The following SNX29 variants were observed in gnomAD, a reference collection of about 807,000 sequenced individuals.
The protein encoded by SNX29 is sorting nexin-29.
Under a neutral mutation model 102.1 loss-of-function variants are expected in SNX29, and 78 were observed. The observed-to-expected ratio is 0.76, with a 90% CI of 0.64 to 0.92. SNX29 has a LOEUF of 0.92. Ranked by LOEUF, SNX29 falls within the 40% of genes least tolerant of loss-of-function variation. SNX29 has a pLI of 0.00. For synonymous variants in SNX29, 580 were observed against 414.5 expected (o/e 1.40, Z -4.85); for missense variants, 1,280 against 1,061.7 (o/e 1.21, Z -2.86).
chr16:12,560,871 T>A (rs1460899067), intron 20 of SNX29: 2 of 186,388 alleles, frequency 1.1e-5, no homozygotes, highest in Non-Finnish European at 2.3e-5. Flanking sequence ...GTTAGTCCTT[T>A]AGTTCAAGAT....
chr16:12,514,410 C>G (rs989478086), intron 19 of SNX29, among the ~76,000 whole-genome samples: 1 of 152,164 alleles, frequency 6.6e-6, no homozygotes, highest in African/African-American at 2.4e-5. Flanking sequence ...CCTGGAGCTG[C>G]CTTTCTCTCC....
intron 20 of SNX29, chr16:12,546,399 C>G (rs974133479): frequency 6.9e-6 from 1 of 144,942 alleles, no homozygotes; most frequent in Non-Finnish European, 1.6e-5. Flanking sequence ...AGGAGCAAGT[C>G]ACTTCTTAAG....
Position 12,099,842 on chromosome 16 carries a change from G to T in SNX29, c.1402+20927G>T, listed in dbSNP as rs566701161. 6.6e-5 allele frequency among the ~76,000 whole-genome samples: 10 copies of T among 152,268 alleles called. No individual in the cohort carries two copies. In the South Asian group the frequency reaches 1.9e-3, roughly 28 times the overall value. On this transcript the variant is annotated intron_variant, in intron 11 of 20. Transcript: ENST00000566228. ...TGCCCTCATGACTGCCTGGCTCTGA[G>T]ATGGAAGGACCCTAAATGCAAATCC...
At chr16:12,263,293 A>T (rs138037486) in intron 14 of SNX29, among the ~76,000 whole-genome samples, 1 of 151,994 alleles carries the variant, frequency 6.6e-6, no homozygotes, top group South Asian at 2.1e-4. Context: ...ATAGCCAGCT[A>T]ATTTTTATAT....
intron 14 of SNX29, among the ~76,000 whole-genome samples, chr16:12,221,609 C>T (rs1361552987): frequency 6.6e-6 from 1 of 152,126 alleles, no homozygotes; most frequent in African/African-American, 2.4e-5. Flanking sequence ...GCAAGACTGT[C>T]TCAAAAATGA....
In SNX29 at chr16:12,571,867, T is replaced by A. The variant is rs920358376; in HGVS notation, c.*3238T>A. The A allele has an allele frequency of 2.8e-6, 3 of 1,061,096 alleles. No homozygotes were observed. Among genetic ancestry groups the A allele is most frequent in the Non-Finnish European group, 3.4e-6 (3 of 876,668 alleles). The allele number at this position is 1,061,096 out of a possible 1,614,324, so 65.7% of individuals were successfully genotyped here. On this transcript the variant is annotated 3_prime_UTR_variant, in exon 21 of 21. Coordinates refer to ENST00000566228, the MANE Select transcript of SNX29 (RefSeq NM_032167.5). ...TCCAATCACGTTGCTGGCAAGGCAT[T>A]TTAGAGTTTGGAGCTGAGGTTCAAA...
intron 19 of SNX29, among the ~76,000 whole-genome samples, chr16:12,487,263 A>T (rs948100422): frequency 6.6e-6 from 1 of 152,176 alleles, no homozygotes; most frequent in African/African-American, 2.4e-5. Context: ...ATCCCCAGCG[A>T]TGCCAGGACC....
chr16:12,317,211 T>C (rs1343319230), intron 15 of SNX29, among the ~76,000 whole-genome samples: 3 of 152,196 alleles, frequency 2.0e-5, no homozygotes, highest in Admixed American at 6.5e-5. Flanking sequence ...CCAGTGCCCA[T>C]GCATGGGCCT....
intron 15 of SNX29, among the ~76,000 whole-genome samples, chr16:12,340,424 A>G (rs2081578168): frequency 1.3e-5 from 2 of 152,176 alleles, no homozygotes; most frequent in Non-Finnish European, 2.9e-5. Context: ...AGGAGCTTTT[A>G]TCTGTTTGTT....
At chr16:12,511,297 G>T (rs528143130) in intron 19 of SNX29, among the ~76,000 whole-genome samples, 125 of 152,296 alleles carry the variant, frequency 8.2e-4, no homozygotes, top group African/African-American at 2.7e-3. Context: ...AACTCAAGCA[G>T]ACGTGGCTCT....
intron 15 of SNX29, among the ~76,000 whole-genome samples, chr16:12,334,307 T>C (rs2081379541): frequency 6.6e-6 from 1 of 152,120 alleles, no homozygotes; most frequent in Non-Finnish European, 1.5e-5. Context: ...GGTGGGTCCT[T>C]TGGTAGAGAA....
At chr16:12,450,695 C>G (rs2086264361) in intron 18 of SNX29, among the ~76,000 whole-genome samples, 1 of 152,176 alleles carries the variant, frequency 6.6e-6, no homozygotes, top group African/African-American at 2.4e-5. Context: ...GTCAGATGGG[C>G]TTTGTCTGCT....
At chr16:12,154,852 G>A (rs538790835) in intron 13 of SNX29, among the ~76,000 whole-genome samples, 36 of 152,230 alleles carry the variant, frequency 2.4e-4, no homozygotes, top group African/African-American at 7.7e-4. Flanking sequence ...ACAAAGGCAC[G>A]AATCCCATTC....
chr16:12,124,799 C>G (rs1415469711), intron 11 of SNX29, among the ~76,000 whole-genome samples: 1 of 152,150 alleles, frequency 6.6e-6, no homozygotes, highest in Non-Finnish European at 1.5e-5. Flanking sequence ...GTGCTCTTGC[C>G]TGGTTTTGTG....
intron 15 of SNX29, among the ~76,000 whole-genome samples, chr16:12,352,330 C>T (rs1205139726): frequency 6.7e-6 from 1 of 149,976 alleles, no homozygotes; most frequent in Non-Finnish European, 1.5e-5. Flanking sequence ...AACACATGGA[C>T]ACAGGAAGGG....
chr16:12,204,090 C>G (rs1157118867), intron 14 of SNX29, among the ~76,000 whole-genome samples: 2 of 152,184 alleles, frequency 1.3e-5, no homozygotes, highest in African/African-American at 4.8e-5. Context: ...CCGCTGTAGT[C>G]AGCTTGTTTC....
At position 12,568,511 on chromosome 16, in the gene SNX29, T is replaced by A; in HGVS notation, c.2324T>A (p.Ile775Asn). 6.2e-7 allele frequency: 1 copy of A among 1,609,888 alleles called. No individual in the cohort carries two copies. The highest frequency in any genetic ancestry group is 8.5e-7 in the Non-Finnish European group (1 of 1,179,838). The part of the protein sequence containing the change: ...LIQLMPFFVD[I>N]TPPGEPVNSR... The stretch of plus-strand genomic sequence containing the variant: ...TTCTCTCCCTGCTCTTTCAGCGACA[T>A]CACCCCGCCCGGAGAGCCTGTGAAC... Residue 775 changes from isoleucine (I) to asparagine (N), a missense_variant, in exon 21 of 21, where the codon ATC becomes AAC. Physicochemically the swap from Ile to Asn is moderately radical, Grantham distance 149. Coordinates refer to ENST00000566228, the MANE Select transcript of SNX29 (RefSeq NM_032167.5).
intron 16 of SNX29, among the ~76,000 whole-genome samples, chr16:12,361,476 T>C (rs1250590069): frequency 1.3e-5 from 2 of 152,242 alleles, no homozygotes; most frequent in Admixed American, 6.5e-5. Flanking sequence ...ATTTATTAAT[T>C]GATATCAGTC....
At chr16:12,146,988 A>G (rs2055090247) in intron 13 of SNX29, among the ~76,000 whole-genome samples, 1 of 152,224 alleles carries the variant, frequency 6.6e-6, no homozygotes, top group Non-Finnish European at 1.5e-5. Context: ...TCTCAGAGCA[A>G]TCACGTACAA....
Sources: gnomAD v4.1 joint callset for allele counts (sites outside exome capture counted in the v4.1 genomes callset) on GRCh38, gnomAD v4.1.1 for gene constraint, MANE v1.5 for transcripts, NCBI Gene and HGNC (gene_info 2026-07-23, HGNC 2026-07-21) for gene names.